The following MTCH1 variants were observed in gnomAD, a reference collection of about 807,000 sequenced individuals.
MTCH1 encodes the protein mitochondrial carrier 1.
In MTCH1, 23 loss-of-function variants were observed where a neutral mutation model predicts 49.3. The observed-to-expected ratio is 0.47, with a 90% confidence interval of 0.34 to 0.66. MTCH1 has a LOEUF of 0.66. Ranked by LOEUF, MTCH1 falls within the 30% of genes least tolerant of loss-of-function variation. MTCH1 has a pLI of 0.01. For synonymous variants in MTCH1, 229 were observed against 215.2 expected, an observed-to-expected ratio of 1.06 and a Z score of -0.56; for missense variants, 397 against 532.1, an observed-to-expected ratio of 0.75 and a Z score of 2.50.
At position 36,972,274 on chromosome 6, in the gene MTCH1, T is replaced by G. The variant is rs771193578; in HGVS notation, c.906+378A>C. 6.6e-5 allele frequency among the ~76,000 whole-genome samples: 10 copies of G among 152,036 alleles called. No homozygotes were observed. The highest frequency in any genetic ancestry group is 2.4e-4 in the African/African-American group (10 of 41,378). On this transcript the variant is annotated intron_variant, in intron 8 of 11. Coordinates refer to ENST00000373627, the MANE Select transcript of MTCH1 (RefSeq NM_001271641.2). This position sits in a 1 kb window ranked among gnomAD's most constrained non-coding sequence, Gnocchi z 4.1. ...TAGGATGCCGTCAGATCAAAGGCCA[T>G]AACGTTCACAAAAGGGTTTTAAAAA...
chr6:36,984,438 T>C (rs1209475725), intron 1 of MTCH1, among the ~76,000 whole-genome samples: 2 of 152,090 alleles, frequency 1.3e-5, no homozygotes, highest in African/African-American at 2.4e-5. Flanking sequence ...CACAAATCTA[T>C]TACCATTCCT....
Position 36,972,687 on chromosome 6 carries a change from C to G in MTCH1, c.871G>C (p.Gly291Arg). ...LVDDSVSDTP[G>R]GLGNDQNPGS... ...GGATTCTGGTCGTTTCCCAGCCCCC[C>G]TGGGGTGTCACTCACGCTGTCATCC... Residue 291 changes from glycine to arginine, a missense_variant, in exon 8 of 12, where the codon GGG becomes CGG. Gly to Arg is a moderately radical substitution (Grantham distance 125). Coordinates refer to ENST00000373627, the MANE Select transcript of MTCH1 (RefSeq NM_001271641.2). The surrounding 1 kb of genome is among the most constrained non-coding windows in gnomAD (Gnocchi z 4.1). The G allele has an allele frequency of 1.3e-6, 2 of 1,551,756 alleles. No homozygotes were observed. The highest frequency in any genetic ancestry group is 8.7e-7 in the Non-Finnish European group (1 of 1,146,966).
At chr6:36,986,456 G>A (rs2150756607), upstream of MTCH1, among the ~76,000 whole-genome samples, 1 of 152,076 alleles carries the variant, frequency 6.6e-6, no homozygotes, top group Non-Finnish European at 1.5e-5. Flanking sequence ...CCCAGAGCAC[G>A]CGGGGGCGGG....
intron 3 of MTCH1, 47 bp from the exon 4 acceptor site, chr6:36,978,202 TG>T (rs1763959423): frequency 6.6e-7 from 1 of 1,517,614 alleles, no homozygotes; most frequent in Non-Finnish European, 9.2e-7. Context: ...GCCTCTTCCA[TG>T]GAACTCTTCG....
intron 7 of MTCH1, among the ~76,000 whole-genome samples, chr6:36,974,596 C>G (rs1162507104): frequency 6.6e-6 from 1 of 152,130 alleles, no homozygotes; most frequent in Non-Finnish European, 1.5e-5. Flanking sequence ...GCGTCTCTGG[C>G]CTCTACCCAC....
At chr6:36,986,504 T>G (rs903284836), upstream of MTCH1, among the ~76,000 whole-genome samples, 2 of 152,002 alleles carry the variant, frequency 1.3e-5, no homozygotes, top group African/African-American at 4.8e-5. Flanking sequence ...CCCAATATGG[T>G]CTGAGGCGCT....
In MTCH1 at chr6:36,977,628, G is replaced by GCTTACCAT; in HGVS notation, c.647_649+5dup. On this transcript the variant is annotated splice_donor_region_variant and intron_variant, in intron 5 of 11. Coordinates refer to ENST00000373627, the MANE Select transcript of MTCH1 (RefSeq NM_001271641.2). This position sits in a 1 kb window ranked among gnomAD's most constrained non-coding sequence, Gnocchi z 5.4. ...ATACAGTCTCGGGGGAAGGGGGGTG[G>GCTTACCAT]CTTACCATGCAGGGGGTGGGCCAAC... 6.3e-7 allele frequency: 1 copy of GCTTACCAT among 1,599,744 alleles called. No individual in the cohort carries two copies. Among genetic ancestry groups the GCTTACCAT allele is most frequent in the Non-Finnish European group, 8.5e-7 (1 of 1,170,392 alleles).
intron 8 of MTCH1, chr6:36,971,004 G>A (rs1202995839): frequency 4.4e-6 from 2 of 456,382 alleles, no homozygotes; most frequent in East Asian, 4.4e-5. Flanking sequence ...GGCTTGGCAC[G>A]CAGTCAGTGC....
chr6:36,977,502 A>T lies in MTCH1; in HGVS notation c.649+132T>A. On this transcript the variant is annotated intron_variant, in intron 5 of 11. Coordinates refer to ENST00000373627, the MANE Select transcript of MTCH1 (RefSeq NM_001271641.2). The surrounding 1 kb of genome is among the most constrained non-coding windows in gnomAD (Gnocchi z 5.4). ...TCCTCAGTGAGGTGGGTTCCAGTAGAATACCCCCAACCCCACTACCACTTC... is the reference window on the plus strand; with the variant it reads ...TCCTCAGTGAGGTGGGTTCCAGTAGTATACCCCCAACCCCACTACCACTTC... 1 of 719,054 alleles carries T rather than the reference A, an allele frequency of 1.4e-6. No homozygotes were observed. The highest frequency in any genetic ancestry group is 2.4e-6 in the Non-Finnish European group (1 of 420,518). 44.5% of individuals were successfully genotyped at this position (719,054 alleles called of 1,614,324 possible).
intron 11 of MTCH1, chr6:36,969,784 C>G: frequency 7.1e-7 from 1 of 1,404,000 alleles, no homozygotes; most frequent in Non-Finnish European, 9.3e-7. Context: ...TCCTAAGAGT[C>G]TTTAAGACTC....
At position 36,968,788 on chromosome 6, in the gene MTCH1, TG is replaced by T; in HGVS notation, c.*114del. 1 of 1,499,110 alleles carries T rather than the reference TG, an allele frequency of 6.7e-7. No homozygotes were observed. The highest frequency in any genetic ancestry group is 9.2e-7 in the Non-Finnish European group (1 of 1,086,860). 92.9% of individuals were successfully genotyped at this position (1,499,110 alleles called of 1,614,324 possible). ...GGCAAATATGGAACTGAAGCCCGGC[TG>T]GGCTGGAGCACATCTGGTTGTTGTT... On this transcript the variant is annotated 3_prime_UTR_variant, in exon 12 of 12. Coordinates refer to ENST00000373627, the MANE Select transcript of MTCH1 (RefSeq NM_001271641.2).
intron 8 of MTCH1, 27 bp from the exon 9 acceptor site, chr6:36,970,721 T>C: frequency 1.9e-6 from 3 of 1,612,246 alleles, no homozygotes; most frequent in Non-Finnish European, 2.5e-6. Context: ...GAAGAGTGGT[T>C]TGCCACAGGC....
chr6:36,970,655 C>G lies in MTCH1; in HGVS notation c.946G>C (p.Val316Leu), dbSNP rs531393329. The G allele has an allele frequency of 6.2e-7, 1 of 1,614,212 alleles. No individual in the cohort carries two copies. Among genetic ancestry groups the G allele is most frequent in the South Asian group, 1.1e-5 (1 of 91,086 alleles). Reference protein sequence around the residue: ...ALAIRSYTKFVMGIAVSMLTY... With the variant: ...ALAIRSYTKFLMGIAVSMLTY... ...CAGCTGGCACAACTTACCCCCATCA[C>G]GAACTTGGTATAGCTCCGGATGGCC... is the stretch of plus-strand genomic sequence containing the variant. The change falls in exon 9 of 12, where the codon GTG becomes CTG. Residue 316 changes from valine to leucine, a missense_variant. Coordinates refer to ENST00000373627, the MANE Select transcript of MTCH1 (RefSeq NM_001271641.2).
intron 2 of MTCH1, among the ~76,000 whole-genome samples, chr6:36,981,288 A>G (rs1443117979): frequency 6.6e-6 from 1 of 152,168 alleles, no homozygotes; most frequent in African/African-American, 2.4e-5. Context: ...GGGGCAGCAG[A>G]AATAATAGGG....
intron 8 of MTCH1, among the ~76,000 whole-genome samples, chr6:36,971,323 A>G (rs1454822936): frequency 6.6e-6 from 1 of 152,162 alleles, no homozygotes; most frequent in East Asian, 1.9e-4. Flanking sequence ...TAAGCCACAT[A>G]CAGAAAAGCA....
chr6:36,973,070 G>GA (rs2150746369), intron 7 of MTCH1, among the ~76,000 whole-genome samples: 1 of 152,334 alleles, frequency 6.6e-6, no homozygotes, highest in East Asian at 1.9e-4. Flanking sequence ...CAGGGATCAA[G>GA]ATGTGAATAC....
intron 2 of MTCH1, among the ~76,000 whole-genome samples, chr6:36,979,192 A>T (rs11969087): frequency 0.13 from 19,568 of 152,062 alleles, 1,610 homozygotes; most frequent in Middle Eastern, 0.23. Flanking sequence ...ACCTGGCACC[A>T]GATGGCATTG....
chr6:36,986,212 G>GGCCAC (rs1388182985), upstream of MTCH1: 8 of 1,395,280 alleles, frequency 5.7e-6, no homozygotes, highest in Non-Finnish European at 7.4e-6. Context: ...CACGTGACGG[G>GGCCAC]GCCACGCCCC....
In MTCH1 at chr6:36,985,987, G is replaced by GGGCCGAGGGCTGAGCCGCA; in HGVS notation, c.168_186dup (p.Arg63CysfsTer26). On this transcript the variant is annotated frameshift_variant, in exon 1 of 12. Coordinates refer to ENST00000373627, the MANE Select transcript of MTCH1 (RefSeq NM_001271641.2). LOFTEE classifies it high-confidence loss of function. ...CCCCCTGACCCGCCATCCATCCTGC[G>GGGCCGAGGGCTGAGCCGCA]GGCCGAGGGCTGAGCCGCAGGCCGA... 1.3e-6 allele frequency: 2 copies of GGGCCGAGGGCTGAGCCGCA among 1,544,770 alleles called. No individual in the cohort carries two copies. Among genetic ancestry groups the GGGCCGAGGGCTGAGCCGCA allele is most frequent in the South Asian group, 1.2e-5 (1 of 83,842 alleles).
Sources: gnomAD v4.1 joint callset for allele counts (sites outside exome capture counted in the v4.1 genomes callset) on GRCh38, gnomAD v4.1.1 for gene constraint, Gnocchi (gnomAD v3.1) non-coding constraint, MANE v1.5 for transcripts, NCBI Gene and HGNC (gene_info 2026-07-23, HGNC 2026-07-21) for gene names.